Variants in GAB1 observed in about 807,000 individuals in gnomAD.
The protein encoded by GAB1 is GRB2-associated-binding protein 1.
In GAB1, 19 loss-of-function variants were observed where a neutral mutation model predicts 66.5. The observed-to-expected ratio is 0.29, with a 90% CI of 0.20 to 0.42. The LOEUF is 0.42. Among genes scored for constraint, GAB1 ranks in the 10% least tolerant of loss-of-function variants. The pLI, the probability that GAB1 is intolerant of heterozygous loss-of-function variation, is 1.00. For missense variants in GAB1, 732 were observed against 858.5 expected, an observed-to-expected ratio of 0.85 and a Z score of 1.84; for synonymous variants, 294 against 301.4, an observed-to-expected ratio of 0.98 and a Z score of 0.25.
rs564619781 is a variant in GAB1 at position 143,474,227 on chromosome 4, C to G, written c.*5038C>G. 2 of 152,256 alleles carry G rather than the reference C, an allele frequency of 1.3e-5. No individual in the cohort carries two copies. Among genetic ancestry groups the G allele is most frequent in the Non-Finnish European group, 2.9e-5 (2 of 68,012 alleles). 9.4% of individuals were successfully genotyped at this position (152,256 alleles called of 1,614,324 possible). ...ATTAAGTTTCTAAGATGTTTCTATA[C>G]TTCATTAGAAAAGATTTTATTACTA... is the stretch of plus-strand genomic sequence containing the variant. On this transcript the variant is annotated 3_prime_UTR_variant, in exon 10 of 10. Coordinates refer to ENST00000262994, the MANE Select transcript of GAB1 (RefSeq NM_002039.4).
At chr4:143,347,201 T>C (rs931207836) in intron 1 of GAB1, among the ~76,000 whole-genome samples, 1 of 152,212 alleles carries the variant, frequency 6.6e-6, no homozygotes, top group African/African-American at 2.4e-5. Flanking sequence ...GTATGGTGCC[T>C]TGCATATACT....
chr4:143,426,119 C>G, intron 2 of GAB1: 1 of 466,020 alleles, frequency 2.1e-6, no homozygotes, highest in Non-Finnish European at 3.8e-6. Flanking sequence ...GGTTGGTTCA[C>G]CTTCTATTTA....
intron 2 of GAB1, among the ~76,000 whole-genome samples, chr4:143,421,693 C>CTTTTTTTT (rs1560757801): frequency 9.7e-6 from 1 of 103,104 alleles, no homozygotes; most frequent in Non-Finnish European, 1.9e-5. Flanking sequence ...CTTTTCTTTT[C>CTTTTTTTT]TTTTCTTTTT....
Position 143,469,450 on chromosome 4 carries a change from G to T in GAB1, c.*261G>T. ...CATTTGTTCCACAGTTAACACACTC[G>T]TAGTATTACTGTATTTATGCACTTT... On this transcript the variant is annotated 3_prime_UTR_variant, in exon 10 of 10. Coordinates refer to ENST00000262994, the MANE Select transcript of GAB1 (RefSeq NM_002039.4). The T allele has an allele frequency of 2.7e-6, 1 of 369,942 alleles. No individual in the cohort carries two copies. Among genetic ancestry groups the T allele is most frequent in the Non-Finnish European group, 5.1e-6 (1 of 196,782 alleles). 22.9% of individuals were successfully genotyped at this position (369,942 alleles called of 1,614,324 possible).
Position 143,459,390 on chromosome 4 carries a change from C to T in GAB1, c.1591C>T (p.Pro531Ser). 6.3e-7 allele frequency: 1 copy of T among 1,597,310 alleles called. No individual in the cohort carries two copies. The highest frequency in any genetic ancestry group is 8.6e-7 in the Non-Finnish European group (1 of 1,165,038). Residue 531 changes from proline to serine, a missense_variant, in exon 7 of 10, where the codon CCA (proline) becomes TCA (serine). By Grantham distance (74) the Pro-to-Ser change is moderately conservative. Coordinates refer to ENST00000262994, the MANE Select transcript of GAB1 (RefSeq NM_002039.4). ...RNLKPDRKVK[P>S]APLEIKPLPE... ...TTTTCTCTTTTTCTTTTCAGTCAAG[C>T]CAGCGCCTTTAGAAATAAAACCTTT...
chr4:143,353,404 A>T lies in GAB1; in HGVS notation c.72+16144A>T, dbSNP rs28989200. Among the ~76,000 whole-genome samples, 248 of 152,312 alleles carry T rather than the reference A, an allele frequency of 1.6e-3. 1 individual carries two copies. Among genetic ancestry groups the T allele is most frequent in the African/African-American group, 5.8e-3 (239 of 41,564 alleles). On this transcript the variant is annotated intron_variant, in intron 1 of 9. Transcript: ENST00000262994. ...GTGTTAAATGTATGTTTTCTAATCT[A>T]TCTCTTTTAACCTAAACTTTGATTT...
chr4:143,349,710 G>A (rs537546246), intron 1 of GAB1: 31 of 1,566,890 alleles, frequency 2.0e-5, no homozygotes, highest in East Asian at 1.1e-4. Flanking sequence ...CACAGATGGC[G>A]GTGGCCACCT....
At chr4:143,461,515 A>G (rs1735491858) in intron 8 of GAB1, among the ~76,000 whole-genome samples, 1 of 152,200 alleles carries the variant, frequency 6.6e-6, no homozygotes, top group African/African-American at 2.4e-5. Flanking sequence ...AAAGAAGGGT[A>G]CAGCCCAACT....
At chr4:143,408,572 C>T (rs927094693) in intron 1 of GAB1, among the ~76,000 whole-genome samples, 1 of 152,090 alleles carries the variant, frequency 6.6e-6, no homozygotes, top group African/African-American at 2.4e-5. Flanking sequence ...GTGGGCATTG[C>T]TCATGTATAT....
chr4:143,360,139 G>A (rs999813460), intron 1 of GAB1, among the ~76,000 whole-genome samples: 3 of 152,134 alleles, frequency 2.0e-5, no homozygotes, highest in Non-Finnish European at 4.4e-5. Context: ...ATGAATCCTG[G>A]ATTGAAGACA....
chr4:143,371,599 G>C (rs1338679427), intron 1 of GAB1, among the ~76,000 whole-genome samples: 2 of 152,138 alleles, frequency 1.3e-5, no homozygotes, highest in African/African-American at 2.4e-5. Flanking sequence ...ATTGCTTTTG[G>C]TGTTTTAGTC....
At chr4:143,361,688 C>T (rs185039012) in intron 1 of GAB1, among the ~76,000 whole-genome samples, 4 of 152,210 alleles carry the variant, frequency 2.6e-5, no homozygotes, top group Non-Finnish European at 5.9e-5. Context: ...CACAGTCACA[C>T]GAGACCCCAA....
At chr4:143,431,640 A>G (rs568678032) in intron 2 of GAB1, among the ~76,000 whole-genome samples, 2 of 152,216 alleles carry the variant, frequency 1.3e-5, no homozygotes, top group Admixed American at 1.3e-4. Context: ...CAAAAGTCAC[A>G]TAGATATCAA....
chr4:143,354,500 T>C (rs559634228), intron 1 of GAB1, among the ~76,000 whole-genome samples: 2 of 152,284 alleles, frequency 1.3e-5, no homozygotes, highest in South Asian at 4.1e-4. Flanking sequence ...GTTTTCCATT[T>C]TGAGTTTAAA....
intron 1 of GAB1, among the ~76,000 whole-genome samples, chr4:143,338,712 G>GGTGTGTGTGTGTGT (rs56381817): frequency 0.034 from 5,018 of 149,234 alleles, 221 homozygotes; most frequent in African/African-American, 0.1. Flanking sequence ...GAAAGGTAGG[G>GGTGTGTGTGTGTGT]GTGTGTGTGT....
chr4:143,439,055 T>C (rs1168282331), intron 4 of GAB1, among the ~76,000 whole-genome samples: 1 of 152,222 alleles, frequency 6.6e-6, no homozygotes, highest in Non-Finnish European at 1.5e-5. Context: ...ACAGGTGATA[T>C]TCTGTTCCAG....
chr4:143,380,087 G>A (rs1037836029), intron 1 of GAB1, among the ~76,000 whole-genome samples: 1 of 150,178 alleles, frequency 6.7e-6, no homozygotes, highest in Non-Finnish European at 1.5e-5. Flanking sequence ...CCCTGGTTAA[G>A]TCTAAGAGAT....
chr4:143,377,783 C>T (rs561700671), intron 1 of GAB1, among the ~76,000 whole-genome samples: 2 of 152,072 alleles, frequency 1.3e-5, no homozygotes, highest in East Asian at 1.9e-4. Context: ...CTTTTTAGGC[C>T]GTATGTGCTG....
chr4:143,440,883 T>C (rs755200526), intron 6 of GAB1, among the ~76,000 whole-genome samples: 2 of 152,242 alleles, frequency 1.3e-5, no homozygotes, highest in Non-Finnish European at 2.9e-5. Flanking sequence ...CAAACACTTC[T>C]GCAAGCTAGA....
Sources: allele counts gnomAD v4.1 joint callset (sites outside exome capture counted in the v4.1 genomes callset), GRCh38; gene constraint gnomAD v4.1.1; transcripts MANE v1.5; gene names NCBI Gene and HGNC (gene_info 2026-07-23, HGNC 2026-07-21).